KAT6B: variants seen among roughly 807,000 people sequenced by gnomAD.
KAT6B encodes the protein lysine acetyltransferase 6B.
A neutral mutation model predicts 187.5 loss-of-function variants in KAT6B; 10 were observed. That is an observed-to-expected ratio of 0.05 (90% CI 0.03 to 0.09). The LOEUF (loss-of-function observed/expected upper bound fraction) is 0.09, where lower values mean the gene tolerates loss of function less well. Ranked by LOEUF, KAT6B falls within the 10% of genes least tolerant of loss-of-function variation. The pLI, the probability that KAT6B is intolerant of heterozygous loss-of-function variation, is 1.00. For missense variants in KAT6B, 1,952 were observed against 2,558.9 expected (o/e 0.76, Z 5.12); for synonymous variants, 861 against 926.8 (o/e 0.93, Z 1.29).
At chr10:74,956,381 G>A (rs899197230) in intron 3 of KAT6B, among the ~76,000 whole-genome samples, 2 of 152,096 alleles carry the variant, frequency 1.3e-5, no homozygotes, top group Non-Finnish European at 2.9e-5. Context: ...CCATTGTAAA[G>A]GTACCTTTTC....
At chr10:74,979,199 T>A (rs1175572605) in intron 9 of KAT6B, 25 bp from the exon 10 acceptor site, 1 of 1,508,924 alleles carries the variant, frequency 6.6e-7, no homozygotes, top group Non-Finnish European at 9.2e-7. Flanking sequence ...TATATTATTA[T>A]TTTCCTTTTC....
At chr10:74,948,786 C>T (rs548927446) in intron 3 of KAT6B, among the ~76,000 whole-genome samples, 1 of 152,162 alleles carries the variant, frequency 6.6e-6, no homozygotes, top group African/African-American at 2.4e-5. Context: ...TGCTTCTAGC[C>T]TCACTTGGAA....
chr10:75,028,499 T>C lies in KAT6B; in HGVS notation c.3675T>C (p.Asn1225=). Residue 1225 remains asparagine, a synonymous_variant, in exon 18 of 18, where the codon AAT becomes AAC. Coordinates refer to ENST00000287239, the MANE Select transcript of KAT6B (RefSeq NM_012330.4). Reference sequence around the variant, plus strand: ...TGTCTCTTCACTAAGACAATATGAATGATGATTCAAGTAACTTGAAAGAAG... The same window carrying C: ...TGTCTCTTCACTAAGACAATATGAACGATGATTCAAGTAACTTGAAAGAAG... ...KNADPCRNNM[N]DDSSNLKEGS... is the part of the protein sequence containing the mutation. The C allele has an allele frequency of 1.2e-6, 2 of 1,614,158 alleles. No individual in the cohort carries two copies. The highest frequency in any genetic ancestry group is 2.2e-5 in the East Asian group (1 of 44,880).
chr10:74,905,603 TC>T (rs1846700812), intron 3 of KAT6B, among the ~76,000 whole-genome samples: 2 of 152,164 alleles, frequency 1.3e-5, no homozygotes, highest in South Asian at 4.1e-4. Context: ...TCTGCCAGAC[TC>T]TGTTTTCTTG....
At chr10:74,842,221 T>C (rs1165822275) in intron 2 of KAT6B, among the ~76,000 whole-genome samples, 1 of 152,246 alleles carries the variant, frequency 6.6e-6, no homozygotes, top group African/African-American at 2.4e-5. Context: ...ATAAGTTTAA[T>C]GTACTTTCAT....
chr10:74,950,752 G>A (rs1440919015), intron 3 of KAT6B, among the ~76,000 whole-genome samples: 1 of 152,158 alleles, frequency 6.6e-6, no homozygotes, highest in African/African-American at 2.4e-5. Context: ...GCCATCAGTT[G>A]TGAAGTTTGT....
At chr10:74,858,157 G>C (rs994697520) in intron 3 of KAT6B, among the ~76,000 whole-genome samples, 4 of 62,038 alleles carry the variant, frequency 6.4e-5, no homozygotes, top group African/African-American at 2.7e-4. Flanking sequence ...ATTTCCAGGA[G>C]AGCAGGAACG....
chr10:74,905,480 G>C (rs1011528834), intron 3 of KAT6B, among the ~76,000 whole-genome samples: 1 of 152,184 alleles, frequency 6.6e-6, no homozygotes, highest in Non-Finnish European at 1.5e-5. Context: ...CCAACCCTGG[G>C]CTTCTGCTGC....
At chr10:74,921,272 G>A (rs1365327315) in intron 3 of KAT6B, among the ~76,000 whole-genome samples, 1 of 151,784 alleles carries the variant, frequency 6.6e-6, no homozygotes, top group African/African-American at 2.4e-5. Context: ...CTGCCACCAC[G>A]CCCAGCTAAT....
chr10:74,874,793 TGTGTGTGGGTG>T (rs1844283088), intron 3 of KAT6B, among the ~76,000 whole-genome samples: 1 of 152,116 alleles, frequency 6.6e-6, no homozygotes, highest in African/African-American at 2.4e-5. Flanking sequence ...ATCTATGTTT[TGTGTGTGGGTG>T]GTGTGTGTGG....
Position 75,021,283 on chromosome 10 carries a change from G to A in KAT6B, c.3019G>A (p.Glu1007Lys). 1.2e-6 allele frequency: 2 copies of A among 1,614,014 alleles called. No homozygotes were observed. The highest frequency in any genetic ancestry group is 1.7e-6 in the Non-Finnish European group (2 of 1,179,930). ...VSEEEREAEK[E>K]AERLMEQASC... ...TGAAGAAGAGCGAGAAGCTGAGAAAGAGGTAATGATTGTCTTTATCATCCT... is the reference window on the plus strand; with the variant it reads ...TGAAGAAGAGCGAGAAGCTGAGAAAAAGGTAATGATTGTCTTTATCATCCT... The change falls in exon 15 of 18, where the codon GAG becomes AAG. Residue 1007 changes from glutamate to lysine, a missense_variant and splice_region_variant. This residue lies in a region of KAT6B where 758 missense variants were observed against 891.4 expected (regional missense o/e 0.85). Transcript: ENST00000287239.
chr10:75,019,640 A>G (rs1004431442), intron 13 of KAT6B, among the ~76,000 whole-genome samples: 1 of 152,192 alleles, frequency 6.6e-6, no homozygotes, highest in African/African-American at 2.4e-5. Flanking sequence ...GAAATAGATA[A>G]TTAGAGCAAG....
intron 12 of KAT6B, among the ~76,000 whole-genome samples, chr10:74,987,291 C>T (rs1842869450): frequency 6.6e-6 from 1 of 152,020 alleles, no homozygotes; most frequent in Admixed American, 6.6e-5. Flanking sequence ...CAAAAATTAG[C>T]TGGGCATTGT....
At chr10:74,952,450 A>G (rs1784478859) in intron 3 of KAT6B, among the ~76,000 whole-genome samples, 1 of 152,108 alleles carries the variant, frequency 6.6e-6, no homozygotes, top group Admixed American at 6.5e-5. Context: ...AGGTATATCA[A>G]GCTCCAAGTG....
rs903839861 is a variant in KAT6B at position 75,020,797 on chromosome 10, G to A, written c.2845G>A (p.Asp949Asn). 30 of 1,613,970 alleles carry A rather than the reference G, an allele frequency of 1.9e-5. No homozygotes were observed. The highest frequency in any genetic ancestry group is 1.1e-4 in the African/African-American group (8 of 75,052). Residue 949 changes from aspartate (D) to asparagine (N), a missense_variant, in exon 14 of 18, where the codon GAC (aspartate) becomes AAC (asparagine). Coordinates refer to ENST00000287239, the MANE Select transcript of KAT6B (RefSeq NM_012330.4). Reference sequence around the variant, plus strand: ...CACTCTGCAGCACCTCCACATGATCGACAAGAGAGATGGCAGGTGAGTCCT... The same window carrying A: ...CACTCTGCAGCACCTCCACATGATCAACAAGAGAGATGGCAGGTGAGTCCT... ...ATTLQHLHMI[D>N]KRDGRFVIIR...
chr10:74,896,402 C>T (rs2132701308), intron 3 of KAT6B, among the ~76,000 whole-genome samples: 1 of 152,278 alleles, frequency 6.6e-6, no homozygotes, highest in African/African-American at 2.4e-5. Flanking sequence ...AGCTATTCTC[C>T]TGCCTTAGCC....
intron 3 of KAT6B, among the ~76,000 whole-genome samples, chr10:74,955,738 CA>C (rs1205723364): frequency 6.6e-6 from 1 of 152,110 alleles, no homozygotes; most frequent in Non-Finnish European, 1.5e-5. Context: ...TATGTTCACT[CA>C]AGAAATTTAT....
chr10:74,839,021 T>G (rs1241724000), intron 2 of KAT6B, among the ~76,000 whole-genome samples: 1 of 151,576 alleles, frequency 6.6e-6, no homozygotes, highest in African/African-American at 2.4e-5. Context: ...GGCGTGGTGG[T>G]GGGCACCTGT....
chr10:74,921,419 A>G (rs991203771), intron 3 of KAT6B, among the ~76,000 whole-genome samples: 1 of 152,120 alleles, frequency 6.6e-6, no homozygotes, highest in Non-Finnish European at 1.5e-5. Context: ...TGGCCTCTAA[A>G]TATTTTTAAA....
Sources: allele counts gnomAD v4.1 joint callset (sites outside exome capture counted in the v4.1 genomes callset), GRCh38; gene constraint gnomAD v4.1.1; regional missense constraint gnomAD v4.1.1; transcripts MANE v1.5; gene names NCBI Gene and HGNC (gene_info 2026-07-23, HGNC 2026-07-21).